Variants in REEP3 observed in about 807,000 individuals in gnomAD.
REEP3 encodes receptor expression-enhancing protein 3.
In REEP3, 20 loss-of-function variants were observed where a neutral mutation model predicts 41.3. That is an observed-to-expected ratio of 0.48 (90% CI 0.34 to 0.70). The LOEUF is 0.70. Ranked by LOEUF, REEP3 falls within the 30% of genes least tolerant of loss-of-function variation. REEP3 has a pLI of 0.01. For synonymous variants in REEP3, 104 were observed against 101.8 expected (o/e 1.02, Z -0.13); for missense variants, 271 against 308.8 (o/e 0.88, Z 0.92).
At chr10:63,544,592 TTAAACAACAGCAAG>T (rs1268813122) in intron 1 of REEP3, among the ~76,000 whole-genome samples, 1 of 152,072 alleles carries the variant, frequency 6.6e-6, no homozygotes, top group Non-Finnish European at 1.5e-5. Context: ...AATGATGAGC[TTAAACAACAGCAAG>T]TGTGTTGTTG....
At chr10:63,620,771 G>T (rs1564494399) in intron 7 of REEP3, 42 bp from the exon 8 acceptor site, 4 of 1,319,600 alleles carry the variant, frequency 3.0e-6, no homozygotes, top group South Asian at 1.4e-5. Flanking sequence ...ATTTTTTAAA[G>T]TAATCATCTA....
intron 1 of REEP3, among the ~76,000 whole-genome samples, chr10:63,556,614 G>GT (rs77925970): frequency 0.32 from 4,071 of 12,780 alleles, 500 homozygotes; most frequent in East Asian, 0.62. Flanking sequence ...CTGTTTGCTT[G>GT]TTTTTTTTTT....
intron 1 of REEP3, among the ~76,000 whole-genome samples, chr10:63,557,393 A>G (rs1404299934): frequency 6.6e-6 from 1 of 152,240 alleles, no homozygotes; most frequent in African/African-American, 2.4e-5. Context: ...TGTCTTTAAT[A>G]AATGTTATAT....
chr10:63,538,437 A>C (rs1473245038), intron 1 of REEP3, among the ~76,000 whole-genome samples: 1 of 152,134 alleles, frequency 6.6e-6, no homozygotes, highest in African/African-American at 2.4e-5. Context: ...TCATTTATAT[A>C]AGACGAGGAA....
At chr10:63,552,596 G>T (rs1376664327) in intron 1 of REEP3, among the ~76,000 whole-genome samples, 1 of 152,114 alleles carries the variant, frequency 6.6e-6, no homozygotes, top group African/African-American at 2.4e-5. Flanking sequence ...GCAGAACAGT[G>T]CCCTCATGAT....
intron 1 of REEP3, among the ~76,000 whole-genome samples, chr10:63,525,700 T>A (rs1168350932): frequency 2.6e-5 from 4 of 152,212 alleles, no homozygotes; most frequent in South Asian, 2.1e-4. Context: ...ATTACAGGCA[T>A]GAATAGTTAC....
chr10:63,557,961 A>G (rs1485479204), intron 1 of REEP3, among the ~76,000 whole-genome samples: 1 of 152,216 alleles, frequency 6.6e-6, no homozygotes, highest in African/African-American at 2.4e-5. Flanking sequence ...TCTCAAAGAA[A>G]GCTAAGCATT....
At chr10:63,582,402 T>C (rs1295946999) in intron 2 of REEP3, among the ~76,000 whole-genome samples, 2 of 152,234 alleles carry the variant, frequency 1.3e-5, no homozygotes, top group Non-Finnish European at 2.9e-5. Context: ...ATGATTCCTA[T>C]CCACAGCCAA....
At chr10:63,575,582 T>TTCTCTTTCCCA (rs1260421698) in intron 2 of REEP3, among the ~76,000 whole-genome samples, 1 of 152,146 alleles carries the variant, frequency 6.6e-6, no homozygotes, top group Non-Finnish European at 1.5e-5. Context: ...ATCTTTTCCC[T>TTCTCTTTCCCA]TCTCTTTCCC....
chr10:63,622,412 T>C lies in REEP3; in HGVS notation c.*1543T>C, dbSNP rs534602731. ...ATTCTTCATATATAACAAGTAAAAT[T>C]AATTCAGTTTTCTTCTCCCAACGTT... On this transcript the variant is annotated 3_prime_UTR_variant, in exon 8 of 8. Transcript: ENST00000373758. 1 of 152,332 alleles carries C rather than the reference T, an allele frequency of 6.6e-6. No individual in the cohort carries two copies. The highest frequency in any genetic ancestry group is 1.9e-4 in the East Asian group (1 of 5,186). The allele number at this position is 152,332 out of a possible 1,614,324, so 9.4% of individuals were successfully genotyped here.
chr10:63,521,815 C>T, intron 1 of REEP3: 1 of 249,408 alleles, frequency 4.0e-6, no homozygotes, highest in Non-Finnish European at 7.3e-6. Flanking sequence ...ACGGCGGCGG[C>T]GGCTGTGGCG....
At chr10:63,586,687 T>A (rs896512518) in intron 2 of REEP3, among the ~76,000 whole-genome samples, 7 of 152,150 alleles carry the variant, frequency 4.6e-5, no homozygotes, top group Non-Finnish European at 7.3e-5. Flanking sequence ...GTTCTTTTTT[T>A]AAAAAATTAA....
chr10:63,615,606 C>T (rs376347938), intron 6 of REEP3, among the ~76,000 whole-genome samples: 5 of 150,372 alleles, frequency 3.3e-5, no homozygotes, highest in African/African-American at 1.2e-4. Context: ...AGTGCAGTGG[C>T]GCGATCTCAG....
At chr10:63,546,129 G>C (rs1419580365) in intron 1 of REEP3, among the ~76,000 whole-genome samples, 3 of 152,174 alleles carry the variant, frequency 2.0e-5, no homozygotes, top group African/African-American at 7.2e-5. Flanking sequence ...AAAGACACTG[G>C]AACTGGCTCT....
intron 1 of REEP3, among the ~76,000 whole-genome samples, chr10:63,527,076 TTTAA>T (rs1324335808): frequency 2.6e-5 from 4 of 152,320 alleles, no homozygotes; most frequent in Admixed American, 6.5e-5. Flanking sequence ...TTTACCTTAG[TTTAA>T]TTGTCTGGCA....
chr10:63,576,138 G>A (rs766506130), intron 2 of REEP3, among the ~76,000 whole-genome samples: 3 of 152,032 alleles, frequency 2.0e-5, no homozygotes, highest in Non-Finnish European at 4.4e-5. Context: ...ATGATCTCGG[G>A]TTCTCTGCTC....
intron 1 of REEP3, among the ~76,000 whole-genome samples, chr10:63,552,635 T>C (rs774981277): frequency 1.3e-5 from 2 of 152,222 alleles, no homozygotes; most frequent in Non-Finnish European, 2.9e-5. Context: ...TTCTTTTCAG[T>C]TGATAGATGG....
At chr10:63,576,063 G>A (rs188619991) in intron 2 of REEP3, among the ~76,000 whole-genome samples, 22 of 152,158 alleles carry the variant, frequency 1.4e-4, no homozygotes, top group African/African-American at 4.1e-4. Flanking sequence ...ATAGTCTTTC[G>A]TTTGAATTCT....
intron 1 of REEP3, among the ~76,000 whole-genome samples, chr10:63,554,626 T>C (rs1955660592): frequency 6.6e-6 from 1 of 152,240 alleles, no homozygotes; most frequent in African/African-American, 2.4e-5. Context: ...CTCTAAGCCT[T>C]ACTTTTATCA....
Sources: allele counts gnomAD v4.1 joint callset (sites outside exome capture counted in the v4.1 genomes callset), GRCh38; gene constraint gnomAD v4.1.1; transcripts MANE v1.5; gene names NCBI Gene and HGNC (gene_info 2026-07-23, HGNC 2026-07-21).